The following FHIT variants were observed in gnomAD, a reference collection of about 807,000 sequenced individuals.
FHIT encodes fragile histidine triad diadenosine triphosphatase.
A neutral mutation model predicts 17.9 loss-of-function variants in FHIT; 19 were observed. The ratio of observed to expected loss-of-function variants is 1.06; its 90% CI spans 0.74 to 1.56. The LOEUF (loss-of-function observed/expected upper bound fraction) is 1.56. FHIT is among the 40% of genes most tolerant of loss of function. The probability of loss-of-function intolerance (pLI) is 0.00; values close to 1 mark genes in which losing one functional copy is unlikely to be tolerated. For missense variants in FHIT, 248 were observed against 189.2 expected, an observed-to-expected ratio of 1.31 and a Z score of -1.82; for synonymous variants, 81 against 69.7, an observed-to-expected ratio of 1.16 and a Z score of -0.81.
chr3:60,161,751 T>C (rs569333067), intron 5 of FHIT, among the ~76,000 whole-genome samples: 1 of 151,646 alleles, frequency 6.6e-6, no homozygotes, highest in South Asian at 2.1e-4. Flanking sequence ...CTATGTCTAC[T>C]ACATGAAAGG....
At chr3:59,999,195 C>A (rs1699632833) in intron 7 of FHIT, among the ~76,000 whole-genome samples, 2 of 151,946 alleles carry the variant, frequency 1.3e-5, no homozygotes, top group African/African-American at 4.8e-5. Context: ...GAGAGCCCTG[C>A]ATATTTTAAA....
intron 5 of FHIT, among the ~76,000 whole-genome samples, chr3:60,228,387 A>T (rs767178369): frequency 1.3e-5 from 2 of 152,188 alleles, no homozygotes; most frequent in African/African-American, 2.4e-5. Flanking sequence ...CTATTAATAG[A>T]CAGGAGTAGT....
At chr3:59,876,547 G>A (rs1703170660) in intron 8 of FHIT, among the ~76,000 whole-genome samples, 1 of 152,122 alleles carries the variant, frequency 6.6e-6, no homozygotes, top group Admixed American at 6.5e-5. Context: ...TCAACTTAGG[G>A]CACAAAACAG....
chr3:60,723,511 C>A (rs1284456191), intron 4 of FHIT, among the ~76,000 whole-genome samples: 1 of 152,180 alleles, frequency 6.6e-6, no homozygotes, highest in Admixed American at 6.5e-5. Context: ...CCAGCAGTAG[C>A]CTTGGGCACT....
At chr3:60,442,148 C>T (rs1383102838) in intron 5 of FHIT, among the ~76,000 whole-genome samples, 4 of 151,932 alleles carry the variant, frequency 2.6e-5, no homozygotes, top group Non-Finnish European at 5.9e-5. Flanking sequence ...GCATAAGCCA[C>T]CATGCCCAGC....
chr3:60,841,864 A>T (rs1256245490), intron 3 of FHIT, among the ~76,000 whole-genome samples: 2 of 151,932 alleles, frequency 1.3e-5, no homozygotes, highest in African/African-American at 4.8e-5. Flanking sequence ...ACTAAATATT[A>T]AAAAAAAATT....
At chr3:60,291,345 G>A (rs143808523) in intron 5 of FHIT, among the ~76,000 whole-genome samples, 1 of 152,244 alleles carries the variant, frequency 6.6e-6, no homozygotes, top group Non-Finnish European at 1.5e-5. Context: ...TTTGCCATTT[G>A]CATAGGATGC....
intron 5 of FHIT, among the ~76,000 whole-genome samples, chr3:60,114,489 C>CATTTTTTTTTTTTTT (rs1704860358): frequency 1.6e-5 from 1 of 61,602 alleles, no homozygotes. Context: ...AAGAGAAATC[C>CATTTTTTTTTTTTTT]TTTTTTTTTT....
chr3:60,592,620 C>T (rs1482856483), intron 4 of FHIT, among the ~76,000 whole-genome samples: 2 of 152,176 alleles, frequency 1.3e-5, no homozygotes, highest in Non-Finnish European at 2.9e-5. Context: ...GCAGGGCAGG[C>T]TTCCAATCTT....
At chr3:60,637,513 G>T (rs537858743) in intron 4 of FHIT, among the ~76,000 whole-genome samples, 1 of 152,122 alleles carries the variant, frequency 6.6e-6, no homozygotes, top group Admixed American at 6.5e-5. Flanking sequence ...ATAATAATTT[G>T]TTGAAAAAAT....
At chr3:60,063,317 T>C (rs1274275898) in intron 5 of FHIT, among the ~76,000 whole-genome samples, 3 of 152,182 alleles carry the variant, frequency 2.0e-5, no homozygotes, top group African/African-American at 7.2e-5. Context: ...AGACTGAATA[T>C]AAGCAAAATA....
chr3:60,264,943 G>A (rs1460510392), intron 5 of FHIT, among the ~76,000 whole-genome samples: 1 of 151,324 alleles, frequency 6.6e-6, no homozygotes, highest in Non-Finnish European at 1.5e-5. Flanking sequence ...TATACGTATT[G>A]TCTCTATGTC....
chr3:59,836,461 T>G (rs76022376), intron 8 of FHIT, among the ~76,000 whole-genome samples: 3,279 of 152,246 alleles, frequency 0.022, 127 homozygotes, highest in African/African-American at 0.075. Flanking sequence ...GAAAACCTAC[T>G]CAGGGTGTTT....
At chr3:60,700,189 C>A (rs181167220) in intron 4 of FHIT, among the ~76,000 whole-genome samples, 9 of 150,546 alleles carry the variant, frequency 6.0e-5, no homozygotes, top group African/African-American at 2.2e-4. Flanking sequence ...TAAGTCAATA[C>A]GCTATCCCAG....
intron 5 of FHIT, among the ~76,000 whole-genome samples, chr3:60,279,389 T>C (rs1707320523): frequency 6.6e-6 from 1 of 152,178 alleles, no homozygotes; most frequent in Non-Finnish European, 1.5e-5. Flanking sequence ...TATATCTGTA[T>C]CTTTTTAAAA....
At chr3:60,088,456 C>A (rs759129528) in intron 5 of FHIT, among the ~76,000 whole-genome samples, 1 of 152,160 alleles carries the variant, frequency 6.6e-6, no homozygotes, top group Non-Finnish European at 1.5e-5. Flanking sequence ...GAAACCTGTA[C>A]CTTCATGCAT....
chr3:60,493,118 CTT>C (rs2034137940), intron 5 of FHIT, among the ~76,000 whole-genome samples: 1 of 152,000 alleles, frequency 6.6e-6, no homozygotes, highest in Non-Finnish European at 1.5e-5. Flanking sequence ...CAAGGGAAGA[CTT>C]TATAAAGGTC....
chr3:59,863,245 T>C (rs554867270), intron 8 of FHIT, among the ~76,000 whole-genome samples: 1 of 152,324 alleles, frequency 6.6e-6, no homozygotes, highest in South Asian at 2.1e-4. Context: ...AGAGGGACGT[T>C]TCAGGGCCTG....
At position 59,848,623 on chromosome 3, in the gene FHIT, T is replaced by TA. The variant is rs1216530791; in HGVS notation, c.348+73722dup. ...CTGAAATTCCCAAAGTACTTACATT[T>TA]AGGATATATTAGATAAATTAGGTAA... On this transcript the variant is annotated intron_variant, in intron 8 of 9. Transcript: ENST00000492590. Among the ~76,000 whole-genome samples the TA allele has an allele frequency of 1.1e-4, 17 of 152,306 alleles. No individual in the cohort carries two copies. The South Asian group carries it at 2.1e-3, about 19-fold the overall frequency.
Sources: allele counts gnomAD v4.1 joint callset (sites outside exome capture counted in the v4.1 genomes callset), GRCh38; gene constraint gnomAD v4.1.1; transcripts MANE v1.5; gene names NCBI Gene and HGNC (gene_info 2026-07-23, HGNC 2026-07-21).